The following SHISAL1 variants were observed in gnomAD, a reference collection of about 807,000 sequenced individuals.
SHISAL1 encodes protein shisa-like-1.
In SHISAL1, 9 loss-of-function variants were observed where a neutral mutation model predicts 22.6. The ratio of observed to expected loss-of-function variants is 0.40; its 90% CI spans 0.24 to 0.70. The LOEUF is 0.70. SHISAL1 is among the 30% of genes least tolerant of loss of function. SHISAL1 has a pLI of 0.39. For synonymous variants in SHISAL1, 119 were observed against 115.4 expected (o/e 1.03, Z -0.20); for missense variants, 246 against 270.6 (o/e 0.91, Z 0.64).
intron 3 of SHISAL1, among the ~76,000 whole-genome samples, chr22:44,289,492 GTGTT>G (rs939882464): frequency 1.3e-4 from 20 of 149,370 alleles, no homozygotes; most frequent in African/African-American, 4.4e-4. Flanking sequence ...GTGTGTGTGT[GTGTT>G]TACTGCCGGG....
intron 4 of SHISAL1, among the ~76,000 whole-genome samples, chr22:44,274,556 A>C (rs2055226624): frequency 6.6e-6 from 1 of 152,154 alleles, no homozygotes; most frequent in South Asian, 2.1e-4. Context: ...CGTATTAATA[A>C]AAAAAATTAT....
chr22:44,286,516 G>T (rs1029232020), intron 3 of SHISAL1, among the ~76,000 whole-genome samples: 1 of 152,182 alleles, frequency 6.6e-6, no homozygotes, highest in African/African-American at 2.4e-5. Context: ...CCAGCACCCG[G>T]CCTTTGCACA....
chr22:44,261,611 C>G (rs2055124972), intron 4 of SHISAL1, among the ~76,000 whole-genome samples: 1 of 152,242 alleles, frequency 6.6e-6, no homozygotes, highest in South Asian at 2.1e-4. Context: ...GGCTATCGCT[C>G]CTGTGGACAC....
intron 3 of SHISAL1, among the ~76,000 whole-genome samples, chr22:44,289,230 A>C (rs1460143593): frequency 2.0e-5 from 3 of 152,210 alleles, no homozygotes; most frequent in Non-Finnish European, 4.4e-5. Context: ...TCACTTGCCA[A>C]AGGCCACACA....
chr22:44,252,088 T>A (rs1374814154), intron 4 of SHISAL1, among the ~76,000 whole-genome samples: 1 of 152,162 alleles, frequency 6.6e-6, no homozygotes, highest in Non-Finnish European at 1.5e-5. Context: ...CTAAAGATTA[T>A]GACCATCACA....
intron 2 of SHISAL1, among the ~76,000 whole-genome samples, chr22:44,299,665 C>T (rs1433602301): frequency 6.6e-6 from 1 of 151,760 alleles, no homozygotes; most frequent in African/African-American, 2.4e-5. Context: ...TGTCAGTGAC[C>T]CTGTTAGAGC....
chr22:44,298,747 G>A (rs2055405150), intron 2 of SHISAL1, among the ~76,000 whole-genome samples: 1 of 152,216 alleles, frequency 6.6e-6, no homozygotes, highest in African/African-American at 2.4e-5. Flanking sequence ...ACTGGGAGGA[G>A]CCTGATATGC....
chr22:44,298,771 CGGGGAGGGCA>C (rs2055405378), intron 2 of SHISAL1, among the ~76,000 whole-genome samples: 1 of 152,122 alleles, frequency 6.6e-6, no homozygotes, highest in Non-Finnish European at 1.5e-5. Flanking sequence ...GATGGGGGGC[CGGGGAGGGCA>C]GGCCCGGCGA....
the SHISAL1 span, among the ~76,000 whole-genome samples, chr22:44,318,080 C>G: frequency 2.6e-5 from 4 of 152,248 alleles, no homozygotes; most frequent in Non-Finnish European, 5.9e-5. Flanking sequence ...CCCCCCGACC[C>G]AGTCCAGCCC....
chr22:44,288,732 G>A (rs2055333339), intron 3 of SHISAL1, among the ~76,000 whole-genome samples: 1 of 152,216 alleles, frequency 6.6e-6, no homozygotes, highest in African/African-American at 2.4e-5. Context: ...CCTCTCTCCA[G>A]AACCCCTGCC....
intron 1 of SHISAL1, among the ~76,000 whole-genome samples, 156 bp downstream of exon 1, chr22:44,312,595 C>T (rs1301959227): frequency 6.6e-6 from 1 of 152,208 alleles, no homozygotes; most frequent in East Asian, 1.9e-4. Context: ...CCCGGCCCCT[C>T]CCATTCTTCT....
intron 1 of SHISAL1, among the ~76,000 whole-genome samples, chr22:44,302,418 A>G (rs923526723): frequency 3.9e-5 from 6 of 152,114 alleles, no homozygotes; most frequent in Non-Finnish European, 7.3e-5. Flanking sequence ...CCACAATAAA[A>G]AAAAATTTTT....
chr22:44,330,864 G>T, the SHISAL1 span, among the ~76,000 whole-genome samples: 2 of 152,086 alleles, frequency 1.3e-5, no homozygotes, highest in Non-Finnish European at 2.9e-5. Context: ...AGGCGACAGC[G>T]GTTCCGCAGG....
At chr22:44,286,620 C>T (rs2055317837) in intron 3 of SHISAL1, among the ~76,000 whole-genome samples, 1 of 152,214 alleles carries the variant, frequency 6.6e-6, no homozygotes, top group Admixed American at 6.5e-5. Flanking sequence ...CTTCCGGACA[C>T]CCTGACCCTC....
upstream of SHISAL1, among the ~76,000 whole-genome samples, chr22:44,315,104 G>A (rs78801892): frequency 0.064 from 9,765 of 152,180 alleles, 452 homozygotes; most frequent in Non-Finnish European, 0.095. Flanking sequence ...ATGGGTCAAG[G>A]ATGTTTCTTA....
intron 4 of SHISAL1, among the ~76,000 whole-genome samples, chr22:44,284,897 G>GCCTGCCTGCCTGCCTGCCTGCCTTCCTT (rs570595554): frequency 4.4e-4 from 59 of 134,592 alleles, no homozygotes; most frequent in African/African-American, 1.5e-3. Context: ...CTGCCTTCCT[G>GCCTGCCTGCCTGCCTGCCTGCCTTCCTT]CCTTCCTTCC....
Position 44,249,489 on chromosome 22 carries a change from CAG to C in SHISAL1, c.*194_*195del. 1 of 525,184 alleles carries C rather than the reference CAG, an allele frequency of 1.9e-6. No individual in the cohort carries two copies. Among genetic ancestry groups the C allele is most frequent in the Non-Finnish European group, 3.5e-6 (1 of 285,462 alleles). 32.5% of individuals were successfully genotyped at this position (525,184 alleles called of 1,614,324 possible). ...CTCAGAATCCCCTCCCCTGCACCCC[CAG>C]CCCCTACCCCTGAGTTTGCTCCTAA... On this transcript the variant is annotated 3_prime_UTR_variant, in exon 5 of 5. Coordinates refer to ENST00000381176, the MANE Select transcript of SHISAL1 (RefSeq NM_001099294.2).
At chr22:44,261,077 T>TATATATATATATATATATATATATATA (rs1555925738) in intron 4 of SHISAL1, among the ~76,000 whole-genome samples, 1 of 108,746 alleles carries the variant, frequency 9.2e-6, no homozygotes, top group Admixed American at 8.8e-5. Context: ...CTTCATTACT[T>TATATATATATATATATATATATATATA]TATATATATA....
intron 4 of SHISAL1, among the ~76,000 whole-genome samples, chr22:44,270,386 G>A (rs879488492): frequency 4.6e-5 from 7 of 152,196 alleles, no homozygotes; most frequent in South Asian, 2.1e-4. Flanking sequence ...TGACAAGGAC[G>A]TGTCCCTTAG....
Sources: gnomAD v4.1 joint callset for allele counts (sites outside exome capture counted in the v4.1 genomes callset) on GRCh38, gnomAD v4.1.1 for gene constraint, MANE v1.5 for transcripts, NCBI Gene and HGNC (gene_info 2026-07-23, HGNC 2026-07-21) for gene names.